Variants in SCYL2 observed in about 807,000 individuals in gnomAD.
SCYL2 encodes SCY1-like protein 2.
SCYL2 carries 36 observed loss-of-function variants against 100.4 expected under a neutral mutation model. That is an observed-to-expected ratio of 0.36 (90% CI 0.27 to 0.47). The LOEUF is 0.47. Ranked by LOEUF, SCYL2 falls within the 20% of genes least tolerant of loss-of-function variation. The pLI, the probability that SCYL2 is intolerant of heterozygous loss-of-function variation, is 1.00. For missense variants in SCYL2, 902 were observed against 1,083.9 expected, an observed-to-expected ratio of 0.83 and a Z score of 2.36; for synonymous variants, 330 against 359.2, an observed-to-expected ratio of 0.92 and a Z score of 0.92.
intron 10 of SCYL2, among the ~76,000 whole-genome samples, chr12:100,318,988 T>C (rs1390811662): frequency 1.3e-5 from 2 of 152,220 alleles, no homozygotes; most frequent in African/African-American, 4.8e-5. Context: ...AAATACATAC[T>C]TATGTTAAGA....
intron 4 of SCYL2, among the ~76,000 whole-genome samples, chr12:100,308,346 A>G (rs2135893256): frequency 6.6e-6 from 1 of 152,340 alleles, no homozygotes; most frequent in East Asian, 1.9e-4. Flanking sequence ...AGGGACGTGG[A>G]TGAAGCTGGA....
chr12:100,284,611 C>T (rs2096302429), intron 2 of SCYL2, among the ~76,000 whole-genome samples: 1 of 152,116 alleles, frequency 6.6e-6, no homozygotes, highest in African/African-American at 2.4e-5. Context: ...TACAGGCGTG[C>T]ACCACCATGC....
chr12:100,284,255 G>T (rs1192541096), intron 2 of SCYL2, among the ~76,000 whole-genome samples: 1 of 152,192 alleles, frequency 6.6e-6, no homozygotes, highest in African/African-American at 2.4e-5. Context: ...ATCTCCTGAT[G>T]ATTTTGGAGC....
At position 100,339,068 on chromosome 12, in the gene SCYL2, A is replaced by G; in HGVS notation, c.2686A>G (p.Met896Val). The change falls in exon 18 of 18, where the codon ATG becomes GTG. Residue 896 changes from methionine (M) to valine (V), a missense_variant. Physicochemically the swap from Met to Val is conservative, Grantham distance 21 (BLOSUM62 1). Transcript: ENST00000360820. ...MNVIGQSAFGMQGNPFFNPQN... is the reference protein window; with the variant it reads ...MNVIGQSAFGVQGNPFFNPQN... ...CGTGATAGGACAATCTGCTTTTGGT[A>G]TGCAGGGTAATCCTTTCTTTAACCC... The G allele has an allele frequency of 6.2e-7, 1 of 1,614,120 alleles. No individual in the cohort carries two copies. Among genetic ancestry groups the G allele is most frequent in the Non-Finnish European group, 8.5e-7 (1 of 1,179,964 alleles).
At chr12:100,280,880 T>TA (rs1252283595) in intron 1 of SCYL2, among the ~76,000 whole-genome samples, 1 of 152,144 alleles carries the variant, frequency 6.6e-6, no homozygotes, top group African/African-American at 2.4e-5. Flanking sequence ...TACTGATCAT[T>TA]ATGCTTATTA....
Position 100,323,536 on chromosome 12 carries a change from A to G in SCYL2, c.1407A>G (p.Leu469=), listed in dbSNP as rs1395975267. The G allele has an allele frequency of 1.3e-6, 2 of 1,577,292 alleles. No individual in the cohort carries two copies. Among genetic ancestry groups the G allele is most frequent in the Non-Finnish European group, 1.7e-6 (2 of 1,151,446 alleles). ...APSIQIQELC[L]NIIPTFANLI... ...TATTTTCTTTATAGGAGCTCTGTCT[A>G]AACATCATTCCAACCTTTGCAAATC... Residue 469 remains leucine, a synonymous_variant, in exon 11 of 18, where the codon CTA becomes CTG. Transcript: ENST00000360820.
Position 100,301,290 on chromosome 12 carries a change from A to G in SCYL2, c.480+3115A>G, listed in dbSNP as rs561121140. Reference sequence around the variant, plus strand: ...TTTCTTATGCCTGTTTGCCATTTGTATGTCTTCTTTTGAGAAATGTCTATT... The same window carrying G: ...TTTCTTATGCCTGTTTGCCATTTGTGTGTCTTCTTTTGAGAAATGTCTATT... On this transcript the variant is annotated intron_variant, in intron 4 of 17. Transcript: ENST00000360820. Among the ~76,000 whole-genome samples the G allele has an allele frequency of 4.7e-4, 71 of 151,914 alleles. 1 individual carries two copies. The highest frequency in any genetic ancestry group is 8.1e-4 in the Non-Finnish European group (55 of 67,920).
At chr12:100,327,665 C>T (rs1346343031) in intron 12 of SCYL2, among the ~76,000 whole-genome samples, 3 of 151,994 alleles carry the variant, frequency 2.0e-5, no homozygotes, top group African/African-American at 7.2e-5. Context: ...AGGCACCTGC[C>T]ACCACGCATG....
At chr12:100,311,240 G>T (rs779284512) in intron 5 of SCYL2, 47 bp downstream of exon 5, 1 of 1,552,006 alleles carries the variant, frequency 6.4e-7, no homozygotes, top group South Asian at 1.3e-5. Flanking sequence ...GGGAAATTTT[G>T]ATTGCATCTG....
At chr12:100,313,718 A>C (rs1342625985) in intron 7 of SCYL2, among the ~76,000 whole-genome samples, 180 bp downstream of exon 7, 1 of 152,234 alleles carries the variant, frequency 6.6e-6, no homozygotes, top group East Asian at 1.9e-4. Flanking sequence ...TGTATTAAAT[A>C]TTCAATTTTG....
At chr12:100,291,481 A>G (rs764564945) in intron 2 of SCYL2, 22 bp from the exon 3 acceptor site, 3 of 1,429,598 alleles carry the variant, frequency 2.1e-6, no homozygotes, top group South Asian at 1.4e-5. Flanking sequence ...CTTGACTAAA[A>G]TTACACAATT....
At chr12:100,306,271 C>T (rs905898129) in intron 4 of SCYL2, among the ~76,000 whole-genome samples, 9 of 152,118 alleles carry the variant, frequency 5.9e-5, no homozygotes, top group South Asian at 2.1e-4. Flanking sequence ...ACTGACAAAC[C>T]GAATCCAGCA....
chr12:100,302,606 G>A (rs1189253739), intron 4 of SCYL2, among the ~76,000 whole-genome samples: 2 of 152,122 alleles, frequency 1.3e-5, no homozygotes, highest in East Asian at 1.9e-4. Flanking sequence ...TGGCTTGTAG[G>A]GTTTCTGCAG....
rs764747971 is a variant in SCYL2 at position 100,313,504 on chromosome 12, C to T, written c.935C>T (p.Pro312Leu). ...EHVKLLLNVT[P>L]TVRPDADQMT... ...GTAAAGCTACTGTTAAATGTAACTC[C>T]GACTGTAAGACCAGATGCAGATCAA... The change falls in exon 7 of 18, where the codon CCG becomes CTG. Residue 312 changes from proline to leucine, a missense_variant. Physicochemically the swap from Pro to Leu is moderately conservative, Grantham distance 98 (BLOSUM62 -3). Coordinates refer to ENST00000360820, the MANE Select transcript of SCYL2 (RefSeq NM_017988.6). The T allele has an allele frequency of 2.6e-5, 41 of 1,606,520 alleles. No individual in the cohort carries two copies. In the Admixed American group the frequency reaches 4.3e-4, roughly 17 times the overall value.
chr12:100,321,252 A>C (rs2096355458), intron 10 of SCYL2, among the ~76,000 whole-genome samples: 1 of 152,218 alleles, frequency 6.6e-6, no homozygotes, highest in South Asian at 2.1e-4. Context: ...CTTAGTAGTT[A>C]ATTTATTTCT....
intron 13 of SCYL2, among the ~76,000 whole-genome samples, chr12:100,331,952 T>C (rs1348093437): frequency 2.6e-5 from 4 of 151,960 alleles, no homozygotes; most frequent in Admixed American, 2.6e-4. Flanking sequence ...TTGAGGGGGG[T>C]TTCTAAGACC....
rs1337879997 is a variant in SCYL2 at position 100,340,558 on chromosome 12, T to A, written c.*1386T>A. 1.3e-5 allele frequency: 2 copies of A among 152,126 alleles called. No individual in the cohort carries two copies. The highest frequency in any genetic ancestry group is 4.8e-5 in the African/African-American group (2 of 41,478). 9.4% of individuals were successfully genotyped at this position (152,126 alleles called of 1,614,324 possible). A position where few individuals can be genotyped will look rare whatever the true frequency, so the allele number is the denominator to read the frequency against. On this transcript the variant is annotated 3_prime_UTR_variant, in exon 18 of 18. Transcript: ENST00000360820. ...AAAATAAACCATATTAAGTTTAGTA[T>A]GCTGGTATTGTTTATTCATTTTATA...
chr12:100,296,379 A>G (rs2096320547), intron 3 of SCYL2, among the ~76,000 whole-genome samples: 1 of 152,196 alleles, frequency 6.6e-6, no homozygotes. Context: ...TGAGTCACTT[A>G]CAGGCAGTAA....
At chr12:100,281,098 A>G (rs2096297922) in intron 1 of SCYL2, among the ~76,000 whole-genome samples, 2 of 126,146 alleles carry the variant, frequency 1.6e-5, no homozygotes, top group Non-Finnish European at 3.1e-5. Context: ...GTGCTTTCTC[A>G]GCTCACTGCA....
Sources: allele counts gnomAD v4.1 joint callset (sites outside exome capture counted in the v4.1 genomes callset), GRCh38; gene constraint gnomAD v4.1.1; transcripts MANE v1.5; gene names NCBI Gene and HGNC (gene_info 2026-07-23, HGNC 2026-07-21).